Variants in CDA observed in about 807,000 individuals in gnomAD.
The protein encoded by CDA is cytidine deaminase.
In CDA, 7 loss-of-function variants were observed where a neutral mutation model predicts 15.0. The ratio of observed to expected loss-of-function variants is 0.47; its 90% confidence interval spans 0.26 to 0.87. The LOEUF (loss-of-function observed/expected upper bound fraction) is 0.87, where lower values mean the gene tolerates loss of function less well. Ranked by LOEUF, CDA falls within the 40% of genes least tolerant of loss-of-function variation. The probability of loss-of-function intolerance (pLI) is 0.15; values close to 1 mark genes in which losing one functional copy is unlikely to be tolerated. For synonymous variants in CDA, 58 were observed against 73.0 expected, an observed-to-expected ratio of 0.79 and a Z score of 1.05; for missense variants, 159 against 182.7, an observed-to-expected ratio of 0.87 and a Z score of 0.75.
At chr1:20,610,446 A>G (rs980399752) in intron 2 of CDA, among the ~76,000 whole-genome samples, 4 of 151,820 alleles carry the variant, frequency 2.6e-5, no homozygotes, top group East Asian at 1.9e-4. Context: ...GATTACAGGC[A>G]TCTGCCACCA....
intron 2 of CDA, among the ~76,000 whole-genome samples, chr1:20,609,715 T>A (rs987962760): frequency 1.3e-5 from 2 of 152,148 alleles, no homozygotes; most frequent in Non-Finnish European, 2.9e-5. Context: ...CTGCCTGACA[T>A]AGAGAAGGAT....
intron 1 of CDA, among the ~76,000 whole-genome samples, chr1:20,594,760 G>A (rs1012861056): frequency 5.4e-5 from 8 of 148,514 alleles, no homozygotes; most frequent in African/African-American, 1.7e-4. Flanking sequence ...CTGCACTCCA[G>A]CCTGGGCGAC....
At chr1:20,614,024 T>C (rs1205118960) in intron 3 of CDA, 125 bp downstream of exon 3, 1 of 844,338 alleles carries the variant, frequency 1.2e-6, no homozygotes, top group Non-Finnish European at 2.0e-6. Context: ...TCCTGTTTGC[T>C]TGGTTGGCTG....
At chr1:20,608,902 C>T (rs1185126112) in intron 2 of CDA, among the ~76,000 whole-genome samples, 1 of 152,152 alleles carries the variant, frequency 6.6e-6, no homozygotes, top group Non-Finnish European at 1.5e-5. Flanking sequence ...TACCCCGGCC[C>T]CTTACAGGGT....
intron 3 of CDA, 107 bp downstream of exon 3, chr1:20,614,006 A>G: frequency 1.0e-6 from 1 of 985,324 alleles, no homozygotes; most frequent in Non-Finnish European, 1.6e-6. Flanking sequence ...GTGGAGACAC[A>G]GCTACTGTCC....
chr1:20,597,894 CT>C (rs35045423), intron 1 of CDA, among the ~76,000 whole-genome samples: 62,755 of 138,584 alleles, frequency 0.45, 13,614 homozygotes, highest in Middle Eastern at 0.51. Flanking sequence ...TTTTATTTGC[CT>C]TTTTTTTTTT....
At chr1:20,595,614 T>C (rs2052585562) in intron 1 of CDA, among the ~76,000 whole-genome samples, 1 of 152,192 alleles carries the variant, frequency 6.6e-6, no homozygotes, top group Non-Finnish European at 1.5e-5. Context: ...TCCTCTCCAC[T>C]GTCACTCAAA....
intron 3 of CDA, among the ~76,000 whole-genome samples, chr1:20,614,947 C>T (rs962574584): frequency 2.0e-5 from 3 of 152,026 alleles, no homozygotes; most frequent in Non-Finnish European, 2.9e-5. Flanking sequence ...CTGCAACCTC[C>T]GCCTCCTGGG....
chr1:20,618,722 C>T lies in CDA; in HGVS notation c.*154C>T. The T allele has an allele frequency of 6.0e-6, 4 of 665,394 alleles. No homozygotes were observed. The highest frequency in any genetic ancestry group is 1.1e-5 in the Non-Finnish European group (4 of 363,516). The allele number at this position is 665,394 out of a possible 1,614,324, so 41.2% of individuals were successfully genotyped here. On this transcript the variant is annotated 3_prime_UTR_variant, in exon 4 of 4. Transcript: ENST00000375071. ...TTACACTCCAGCCTGAGTCAGCACC[C>T]CTCCTAGCAACCTGCCTTGGGACTT...
At position 20,589,254 on chromosome 1, in the gene CDA, T is replaced by G. The variant is rs1297938259; in HGVS notation, c.125T>G (p.Leu42Arg). The change falls in exon 1 of 4, where the codon CTG becomes CGG. Residue 42 changes from leucine to arginine, a missense_variant. Leu to Arg is a moderately radical substitution (Grantham distance 102). Coordinates refer to ENST00000375071, the MANE Select transcript of CDA (RefSeq NM_001785.3). ...PYSHFPVGAA[L>R]LTQEGRIFKG... ...AGTCACTTTCCTGTGGGGGCTGCCC[T>G]GCTCACCCAGGAGGGGAGAATCTTC... 6.2e-7 allele frequency: 1 copy of G among 1,613,918 alleles called. No homozygotes were observed. Among genetic ancestry groups the G allele is most frequent in the African/African-American group, 1.3e-5 (1 of 74,912 alleles).
intron 1 of CDA, among the ~76,000 whole-genome samples, chr1:20,599,075 A>G (rs893923201): frequency 1.3e-5 from 2 of 152,210 alleles, no homozygotes; most frequent in Non-Finnish European, 2.9e-5. Context: ...AGGTGATCGG[A>G]GAAAGCGTCT....
chr1:20,609,336 A>G (rs185674451), intron 2 of CDA, among the ~76,000 whole-genome samples: 2 of 152,276 alleles, frequency 1.3e-5, no homozygotes, highest in Non-Finnish European at 2.9e-5. Context: ...TACAAAAAAA[A>G]TTAACCAGGC....
At chr1:20,597,962 G>C (rs35182793) in intron 1 of CDA, among the ~76,000 whole-genome samples, 19,811 of 149,884 alleles carry the variant, frequency 0.13, 1,344 homozygotes, top group Admixed American at 0.17. Context: ...TCCAAATACA[G>C]TTATTCCTCT....
intron 1 of CDA, among the ~76,000 whole-genome samples, chr1:20,600,432 T>A (rs967329153): frequency 6.6e-6 from 1 of 151,944 alleles, no homozygotes; most frequent in Non-Finnish European, 1.5e-5. Flanking sequence ...GGTGAGCAGA[T>A]ATGGCAGGTG....
chr1:20,592,061 C>G (rs772250422), intron 1 of CDA, among the ~76,000 whole-genome samples: 2 of 152,024 alleles, frequency 1.3e-5, no homozygotes, highest in Non-Finnish European at 2.9e-5. Context: ...AATCTGGTCT[C>G]GAACTCTGAG....
intron 1 of CDA, among the ~76,000 whole-genome samples, chr1:20,599,033 G>T (rs944289680): frequency 1.3e-5 from 2 of 152,214 alleles, no homozygotes; most frequent in Non-Finnish European, 2.9e-5. Flanking sequence ...ACAGAGAGTT[G>T]GAGGCAGTAG....
chr1:20,604,614 C>T (rs1401686591), intron 1 of CDA, among the ~76,000 whole-genome samples: 1 of 152,138 alleles, frequency 6.6e-6, no homozygotes, highest in Non-Finnish European at 1.5e-5. Flanking sequence ...GGGATCTACC[C>T]TGGCCTTGAC....
intron 1 of CDA, among the ~76,000 whole-genome samples, chr1:20,599,072 C>G (rs535064593): frequency 1.3e-5 from 2 of 152,190 alleles, no homozygotes; most frequent in Admixed American, 6.5e-5. Context: ...GATAGGTGAT[C>G]GGAGAAAGCG....
At chr1:20,613,720 AG>A in intron 2 of CDA, 121 bp from the exon 3 acceptor site, 1 of 873,268 alleles carries the variant, frequency 1.1e-6, no homozygotes, top group African/African-American at 1.6e-5. Flanking sequence ...TCTGTGAATC[AG>A]GAACTGCCTG....
Sources: allele counts gnomAD v4.1 joint callset (sites outside exome capture counted in the v4.1 genomes callset), GRCh38; gene constraint gnomAD v4.1.1; transcripts MANE v1.5; gene names NCBI Gene and HGNC (gene_info 2026-07-23, HGNC 2026-07-21).